The following DSCAM variants were observed in gnomAD, a reference collection of about 807,000 sequenced individuals.
DSCAM encodes the protein cell adhesion molecule DSCAM.
Under a neutral mutation model 217.7 loss-of-function variants are expected in DSCAM, and 47 were observed. The observed-to-expected ratio is 0.22, with a 90% confidence interval of 0.17 to 0.28. DSCAM has a LOEUF of 0.28. Ranked by LOEUF, DSCAM falls within the 10% of genes least tolerant of loss-of-function variation. The probability of loss-of-function intolerance (pLI) is 1.00; values close to 1 mark genes in which losing one functional copy is unlikely to be tolerated. For synonymous variants in DSCAM, 1,056 were observed against 1,015.3 expected, an observed-to-expected ratio of 1.04 and a Z score of -0.76; for missense variants, 2,080 against 2,618.3, an observed-to-expected ratio of 0.79 and a Z score of 4.49.
At chr21:40,364,667 T>G in intron 4 of DSCAM, among the ~76,000 whole-genome samples, 1 of 144,666 alleles carries the variant, frequency 6.9e-6, no homozygotes. Context: ...ACCCTAAAAC[T>G]TAAAGTACAA....
At chr21:40,043,922 T>C (rs1601262231) in intron 31 of DSCAM, among the ~76,000 whole-genome samples, 156 bp downstream of exon 31, 1 of 152,214 alleles carries the variant, frequency 6.6e-6, no homozygotes, top group Non-Finnish European at 1.5e-5. Context: ...TATTAGTAAC[T>C]GTTAGATAAA....
chr21:40,095,164 G>C (rs111936506), intron 20 of DSCAM, among the ~76,000 whole-genome samples: 3,152 of 152,314 alleles, frequency 0.021, 104 homozygotes, highest in African/African-American at 0.071. Flanking sequence ...CCAAGCAAAA[G>C]GGGTTCCCCC....
At chr21:40,517,758 G>A (rs1290833370) in intron 3 of DSCAM, among the ~76,000 whole-genome samples, 2 of 152,158 alleles carry the variant, frequency 1.3e-5, no homozygotes, top group African/African-American at 4.8e-5. Flanking sequence ...GGGTGCTGCT[G>A]TGGGCACTGA....
At chr21:40,348,142 C>T (rs2074580956) in intron 5 of DSCAM, among the ~76,000 whole-genome samples, 197 bp from the exon 6 acceptor site, 1 of 150,560 alleles carries the variant, frequency 6.6e-6, no homozygotes, top group South Asian at 2.1e-4. Flanking sequence ...CACACAGTTC[C>T]CATCAGCCAC....
chr21:40,578,663 C>G (rs2076877002), intron 3 of DSCAM, among the ~76,000 whole-genome samples: 1 of 152,172 alleles, frequency 6.6e-6, no homozygotes, highest in South Asian at 2.1e-4. Context: ...CTGCCACTCA[C>G]TTTTTGGGTC....
At chr21:40,140,942 G>A (rs1201227174) in intron 18 of DSCAM, among the ~76,000 whole-genome samples, 1 of 144,318 alleles carries the variant, frequency 6.9e-6, no homozygotes, top group African/African-American at 2.5e-5. Flanking sequence ...GGCGGGGGGG[G>A]GTCCTTCTAG....
chr21:40,042,879 T>C lies in DSCAM; in HGVS notation c.5384-206A>G, dbSNP rs371946886. ...GCAGATCCGGTTAAGGGAAGCTTTG[T>C]TGCAACCAAATTGCTGTAGTCAGAT... On this transcript the variant is annotated intron_variant, in intron 31 of 32. Transcript: ENST00000400454. Among the ~76,000 whole-genome samples, 7 of 152,334 alleles carry C rather than the reference T, an allele frequency of 4.6e-5. No individual in the cohort carries two copies. In the East Asian group the frequency reaches 7.7e-4, roughly 17 times the overall value.
intron 3 of DSCAM, among the ~76,000 whole-genome samples, chr21:40,565,107 T>C (rs1218522250): frequency 6.6e-6 from 1 of 152,210 alleles, no homozygotes; most frequent in African/African-American, 2.4e-5. Context: ...AGCCTTTGTA[T>C]GCCTGCTGCC....
intron 3 of DSCAM, among the ~76,000 whole-genome samples, chr21:40,549,770 G>C (rs1419474118): frequency 2.0e-5 from 3 of 152,178 alleles, no homozygotes; most frequent in Non-Finnish European, 4.4e-5. Flanking sequence ...TAAGCTAACA[G>C]GGAGAAGGGC....
chr21:40,305,389 C>CAAAAAAAAAAAAAAAAAAAAAAAAAAA (rs58738453), intron 9 of DSCAM, among the ~76,000 whole-genome samples: 1 of 68,566 alleles, frequency 1.5e-5, no homozygotes, highest in African/African-American at 4.2e-5. Flanking sequence ...GATCCCGTCT[C>CAAAAAAAAAAAAAAAAAAAAAAAAAAA]AAAAAAAAAA....
At chr21:40,489,883 A>G (rs2076062591) in intron 3 of DSCAM, among the ~76,000 whole-genome samples, 1 of 152,114 alleles carries the variant, frequency 6.6e-6, no homozygotes, top group Non-Finnish European at 1.5e-5. Flanking sequence ...ATAAAAATCA[A>G]AGATATATTA....
At chr21:40,139,728 G>T (rs1197899378) in intron 18 of DSCAM, among the ~76,000 whole-genome samples, 1 of 151,806 alleles carries the variant, frequency 6.6e-6, no homozygotes, top group Admixed American at 6.6e-5. Context: ...CATGCAGTTT[G>T]TGTATGTGTA....
At chr21:40,334,157 T>C (rs1412518561) in intron 8 of DSCAM, among the ~76,000 whole-genome samples, 1 of 152,158 alleles carries the variant, frequency 6.6e-6, no homozygotes, top group Non-Finnish European at 1.5e-5. Context: ...GAGGGTCCTG[T>C]TCAGGCCTTG....
At chr21:40,265,271 A>G (rs561756768) in intron 11 of DSCAM, among the ~76,000 whole-genome samples, 78 of 152,146 alleles carry the variant, frequency 5.1e-4, no homozygotes, top group African/African-American at 1.9e-3. Flanking sequence ...TTTTTAAAAC[A>G]CTTAATAAAT....
At position 40,187,367 on chromosome 21, in the gene DSCAM, AG is replaced by A. The variant is rs1318078780; in HGVS notation, c.2651-109del. The A allele has an allele frequency of 2.2e-6, 3 of 1,368,468 alleles. No homozygotes were observed. The African/African-American group carries it at 4.4e-5, about 20-fold the overall frequency. 84.8% of individuals were successfully genotyped at this position (1,368,468 alleles called of 1,614,324 possible). A position where few individuals can be genotyped will look rare whatever the true frequency, so the allele number is the denominator to read the frequency against. On this transcript the variant is annotated intron_variant, in intron 13 of 32. Coordinates refer to ENST00000400454, the MANE Select transcript of DSCAM (RefSeq NM_001389.5). ...ACAAACGATTTGTCTGCATTAGACAAGAACAGAAGCTTTTTATTTGGAAGCA... is the reference window on the plus strand; with the variant it reads ...ACAAACGATTTGTCTGCATTAGACAAAACAGAAGCTTTTTATTTGGAAGCA...
intron 3 of DSCAM, among the ~76,000 whole-genome samples, chr21:40,623,126 C>G (rs1601798746): frequency 6.6e-6 from 1 of 152,088 alleles, no homozygotes; most frequent in Non-Finnish European, 1.5e-5. Flanking sequence ...TGTGTTTACT[C>G]GTTCAATCAA....
At chr21:40,249,389 C>T (rs1021886705) in intron 11 of DSCAM, among the ~76,000 whole-genome samples, 2 of 152,250 alleles carry the variant, frequency 1.3e-5, no homozygotes, top group South Asian at 2.1e-4. Context: ...TCTGCTTTTG[C>T]ATCCTTCTCA....
intron 1 of DSCAM, among the ~76,000 whole-genome samples, chr21:40,745,438 C>G (rs2091165221): frequency 6.6e-6 from 1 of 152,068 alleles, no homozygotes; most frequent in African/African-American, 2.4e-5. Flanking sequence ...CACCTGAGCC[C>G]CAGTGCAAGT....
At chr21:40,428,649 A>G (rs948851470) in intron 3 of DSCAM, among the ~76,000 whole-genome samples, 1 of 152,146 alleles carries the variant, frequency 6.6e-6, no homozygotes, top group Non-Finnish European at 1.5e-5. Context: ...AAACTAAACG[A>G]GAAGGCAGAA....
Sources: gnomAD v4.1 joint callset for allele counts (sites outside exome capture counted in the v4.1 genomes callset) on GRCh38, gnomAD v4.1.1 for gene constraint, MANE v1.5 for transcripts, NCBI Gene and HGNC (gene_info 2026-07-23, HGNC 2026-07-21) for gene names.